Variants in AP3S1 observed in about 807,000 individuals in gnomAD.
AP3S1 encodes adaptor related protein complex 3 subunit sigma 1.
In AP3S1, 12 loss-of-function variants were observed where a neutral mutation model predicts 21.3. The ratio of observed to expected loss-of-function variants is 0.56; its 90% CI spans 0.36 to 0.91. The LOEUF is 0.91. Ranked by LOEUF, AP3S1 falls within the 40% of genes least tolerant of loss-of-function variation. The pLI, the probability that AP3S1 is intolerant of heterozygous loss-of-function variation, is 0.01. For missense variants in AP3S1, 116 were observed against 225.0 expected (o/e 0.52, Z 3.10); for synonymous variants, 48 against 78.4 (o/e 0.61, Z 2.05).
intron 1 of AP3S1, among the ~76,000 whole-genome samples, chr5:115,851,449 A>G (rs1205801825): frequency 2.6e-5 from 4 of 152,142 alleles, no homozygotes; most frequent in African/African-American, 4.8e-5. Context: ...CCCACCAGCA[A>G]TGCACAAAGG....
At chr5:115,864,155 T>C (rs1328949670) in intron 1 of AP3S1, among the ~76,000 whole-genome samples, 1 of 152,240 alleles carries the variant, frequency 6.6e-6, no homozygotes, top group African/African-American at 2.4e-5. Flanking sequence ...ATAAAGCTGC[T>C]AATCCCTGAG....
intron 5 of AP3S1, among the ~76,000 whole-genome samples, chr5:115,909,272 T>C (rs1278675116): frequency 1.3e-5 from 2 of 152,194 alleles, no homozygotes; most frequent in Admixed American, 6.5e-5. Context: ...TCAGTTTTGC[T>C]TGCACATATT....
intron 1 of AP3S1, among the ~76,000 whole-genome samples, chr5:115,864,198 G>T (rs939522554): frequency 6.6e-6 from 1 of 152,222 alleles, no homozygotes; most frequent in African/African-American, 2.4e-5. Flanking sequence ...CCAGCTGCTA[G>T]TCTCTTGGTT....
chr5:115,885,235 A>G (rs938964329), intron 3 of AP3S1, among the ~76,000 whole-genome samples: 2 of 152,194 alleles, frequency 1.3e-5, no homozygotes, highest in African/African-American at 2.4e-5. Flanking sequence ...TTAGTTTATT[A>G]GGGAGAATTG....
chr5:115,844,430 A>G (rs1226360669), intron 1 of AP3S1, among the ~76,000 whole-genome samples: 1 of 152,212 alleles, frequency 6.6e-6, no homozygotes, highest in Non-Finnish European at 1.5e-5. Context: ...TAGTCTGGTA[A>G]GTTCTCACTG....
intron 5 of AP3S1, 32 bp from the exon 6 acceptor site, chr5:115,913,330 T>C: frequency 1.3e-6 from 2 of 1,582,364 alleles, no homozygotes; most frequent in Non-Finnish European, 1.7e-6. Flanking sequence ...AGTTGTACAT[T>C]TTCTTTTTCT....
chr5:115,855,706 A>C (rs1242436710), intron 1 of AP3S1, among the ~76,000 whole-genome samples: 6 of 152,242 alleles, frequency 3.9e-5, no homozygotes. Context: ...TATAAATTCA[A>C]AATAATGATA....
At chr5:115,911,762 T>A (rs1193229579) in intron 5 of AP3S1, among the ~76,000 whole-genome samples, 1 of 151,704 alleles carries the variant, frequency 6.6e-6, no homozygotes, top group Non-Finnish European at 1.5e-5. Flanking sequence ...ATTATTTAGT[T>A]GTATCTCCAA....
chr5:115,901,781 G>A (rs568019347), intron 4 of AP3S1, among the ~76,000 whole-genome samples: 1 of 152,010 alleles, frequency 6.6e-6, no homozygotes, highest in Non-Finnish European at 1.5e-5. Flanking sequence ...TGTCCACCTT[G>A]TCCTCCCAAA....
intron 3 of AP3S1, among the ~76,000 whole-genome samples, chr5:115,872,711 A>T (rs1748376340): frequency 6.6e-6 from 1 of 151,024 alleles, no homozygotes. Flanking sequence ...AAGAAAAAGA[A>T]GCCAAATCTT....
At chr5:115,879,634 A>G (rs1185312534) in intron 3 of AP3S1, among the ~76,000 whole-genome samples, 2 of 152,160 alleles carry the variant, frequency 1.3e-5, no homozygotes, top group Non-Finnish European at 2.9e-5. Flanking sequence ...ATCAATGTTC[A>G]TCAGGGTTAT....
intron 4 of AP3S1, chr5:115,898,699 G>A (rs1422442197): frequency 1.3e-5 from 2 of 152,248 alleles, no homozygotes; most frequent in African/African-American, 4.8e-5. Flanking sequence ...CAGATATGGG[G>A]CAGAAGAGGA....
chr5:115,906,746 CT>C, intron 5 of AP3S1: 4 of 1,188,672 alleles, frequency 3.4e-6, no homozygotes, highest in Non-Finnish European at 4.6e-6. Flanking sequence ...TTAGTCACTA[CT>C]TTTTGAAAGT....
At chr5:115,911,774 A>G (rs768285060) in intron 5 of AP3S1, among the ~76,000 whole-genome samples, 8 of 151,828 alleles carry the variant, frequency 5.3e-5, no homozygotes, top group Non-Finnish European at 1.2e-4. Context: ...TATCTCCAAC[A>G]TCTTTGGGGG....
chr5:115,908,824 C>T (rs1369711610), intron 5 of AP3S1, among the ~76,000 whole-genome samples: 2 of 152,096 alleles, frequency 1.3e-5, no homozygotes, highest in Non-Finnish European at 2.9e-5. Context: ...AAAAGTTATT[C>T]TACCTCGTGT....
At chr5:115,892,724 G>T (rs1014010005) in intron 3 of AP3S1, among the ~76,000 whole-genome samples, 1 of 152,110 alleles carries the variant, frequency 6.6e-6, no homozygotes, top group African/African-American at 2.4e-5. Flanking sequence ...AAAAAAAATA[G>T]AATGAATAAG....
At chr5:115,894,522 A>T (rs538586207) in intron 3 of AP3S1, among the ~76,000 whole-genome samples, 15 of 152,170 alleles carry the variant, frequency 9.9e-5, no homozygotes, top group Non-Finnish European at 1.6e-4. Context: ...ATTTATGGGA[A>T]TGTGCAGAGT....
At position 115,846,779 on chromosome 5, in the gene AP3S1, C is replaced by G. The variant is rs1452804872; in HGVS notation, c.69+4673C>G. On this transcript the variant is annotated intron_variant, in intron 1 of 5. Transcript: ENST00000316788. Reference sequence around the variant, plus strand: ...CTGAGTATGAGGGTGTTAACACATACTAACACACGGCATTTCAGCTTTTTG... The same window carrying G: ...CTGAGTATGAGGGTGTTAACACATAGTAACACACGGCATTTCAGCTTTTTG... Among the ~76,000 whole-genome samples the G allele has an allele frequency of 3.3e-5, 5 of 152,236 alleles. No individual in the cohort carries two copies. In the South Asian group the frequency reaches 6.2e-4, roughly 19 times the overall value.
intron 1 of AP3S1, among the ~76,000 whole-genome samples, chr5:115,853,925 C>A (rs1762619659): frequency 6.6e-6 from 1 of 152,120 alleles, no homozygotes; most frequent in Non-Finnish European, 1.5e-5. Flanking sequence ...TGTCTTTGTT[C>A]ATTTTTTGCT....
Sources: allele counts gnomAD v4.1 joint callset (sites outside exome capture counted in the v4.1 genomes callset), GRCh38; gene constraint gnomAD v4.1.1; transcripts MANE v1.5; gene names NCBI Gene and HGNC (gene_info 2026-07-23, HGNC 2026-07-21).